Variants in DGLUCY observed in about 807,000 individuals in gnomAD.
The protein encoded by DGLUCY is D-glutamate cyclase, mitochondrial.
In DGLUCY, 58 loss-of-function variants were observed where a neutral mutation model predicts 58.5. The ratio of observed to expected loss-of-function variants is 0.99; its 90% CI spans 0.80 to 1.23. The LOEUF (loss-of-function observed/expected upper bound fraction) is 1.23. DGLUCY is among the 50% of genes most tolerant of loss of function. The probability of loss-of-function intolerance (pLI) is 0.00; values close to 1 mark genes in which losing one functional copy is unlikely to be tolerated. For synonymous variants in DGLUCY, 325 were observed against 314.1 expected (o/e 1.03, Z -0.37); for missense variants, 779 against 784.7 (o/e 0.99, Z 0.09).
rs1011956753 is a variant in DGLUCY at position 91,224,451 on chromosome 14, A to G, written c.1717-233A>G. Among the ~76,000 whole-genome samples the G allele has an allele frequency of 2.6e-5, 4 of 152,198 alleles. No individual in the cohort carries two copies. In the East Asian group the frequency reaches 7.7e-4, roughly 29 times the overall value. ...AGTAACTACCAAAAGAAGCAGCCCA[A>G]ACTATTCCCGTGATTGTTTCTGGGG... On this transcript the variant is annotated intron_variant, in intron 13 of 13. Transcript: ENST00000256324.
upstream of DGLUCY, among the ~76,000 whole-genome samples, chr14:91,111,242 GTGTGTGTA>G (rs1566944344): frequency 0.016 from 1,609 of 100,694 alleles, 30 homozygotes; most frequent in Non-Finnish European, 0.021. Flanking sequence ...GTGTGTGTGT[GTGTGTGTA>G]TATATCTATA....
upstream of DGLUCY, among the ~76,000 whole-genome samples, chr14:91,111,832 C>A (rs949429627): frequency 2.0e-5 from 3 of 152,228 alleles, no homozygotes; most frequent in Non-Finnish European, 4.4e-5. Flanking sequence ...ATAGGAATTT[C>A]ATTCCTTTTT....
At chr14:91,062,172 A>G (rs1436253595) in intron 1 of DGLUCY, among the ~76,000 whole-genome samples, 5 of 152,326 alleles carry the variant, frequency 3.3e-5, no homozygotes, top group African/African-American at 1.2e-4. Context: ...AATATTTTTT[A>G]TGGACATTGA....
chr14:91,161,933 G>A (rs1318754413), intron 3 of DGLUCY, among the ~76,000 whole-genome samples: 2 of 151,794 alleles, frequency 1.3e-5, no homozygotes, highest in African/African-American at 4.8e-5. Context: ...TATACGAGCA[G>A]CGAACACCAG....
rs554058083 is a variant in DGLUCY at position 91,172,807 on chromosome 14, C to T, written c.457-482C>T. On this transcript the variant is annotated intron_variant, in intron 5 of 13. Coordinates refer to ENST00000256324, the MANE Select transcript of DGLUCY (RefSeq NM_001102368.3). ...GACTAGAGGCGCGTGCCACCATGCC[C>T]GGCGAACTTTTGTATTTTTAATAGA... is the stretch of plus-strand genomic sequence containing the variant. 7.2e-5 allele frequency among the ~76,000 whole-genome samples: 11 copies of T among 152,186 alleles called. No individual in the cohort carries two copies. In the South Asian group the frequency reaches 1.5e-3, roughly 20 times the overall value.
At chr14:91,120,532 C>T (rs1229037604) in intron 1 of DGLUCY, among the ~76,000 whole-genome samples, 2 of 152,154 alleles carry the variant, frequency 1.3e-5, no homozygotes, top group African/African-American at 2.4e-5. Flanking sequence ...CTGCCTCAGC[C>T]TCCTGAGTAG....
At chr14:91,158,169 T>C (rs2047771654) in intron 2 of DGLUCY, among the ~76,000 whole-genome samples, 1 of 152,222 alleles carries the variant, frequency 6.6e-6, no homozygotes. Context: ...TTCAGGACCC[T>C]GGCTGGTAGC....
intron 1 of DGLUCY, among the ~76,000 whole-genome samples, chr14:91,101,472 T>A (rs1351679371): frequency 6.6e-6 from 1 of 152,232 alleles, no homozygotes; most frequent in African/African-American, 2.4e-5. Context: ...GCTGCCACAC[T>A]GTGGAGATGC....
intron 7 of DGLUCY, among the ~76,000 whole-genome samples, chr14:91,178,342 T>A (rs1326911411): frequency 6.6e-6 from 1 of 152,040 alleles, no homozygotes; most frequent in Admixed American, 6.6e-5. Flanking sequence ...TTTTTAAATT[T>A]TTGTGGAGAT....
chr14:91,220,650 C>T (rs1887331715), intron 13 of DGLUCY: 4 of 456,130 alleles, frequency 8.8e-6, no homozygotes, highest in South Asian at 6.2e-5. Flanking sequence ...TCTCCCGCTG[C>T]CACACTCCCC....
intron 11 of DGLUCY, among the ~76,000 whole-genome samples, chr14:91,200,960 G>A (rs116235761): frequency 6.6e-6 from 1 of 151,778 alleles, no homozygotes; most frequent in African/African-American, 2.4e-5. Context: ...TCTCAAGGGT[G>A]GGGGAGGATA....
Position 91,086,711 on chromosome 14 carries a change from A to C in DGLUCY, c.-82+26007A>C, listed in dbSNP as rs141187963. ...TCTCTATCAGATCAGGTGAGCTTTG[A>C]GGGCTAGACACTCAATAAACACTTT... is the stretch of plus-strand genomic sequence containing the variant. On this transcript the variant is annotated intron_variant, in intron 1 of 4. Transcript: ENST00000521334. 4.3e-3 allele frequency among the ~76,000 whole-genome samples: 652 copies of C among 152,258 alleles called. 8 individuals are homozygous for C. The highest frequency in any genetic ancestry group is 0.015 in the African/African-American group (618 of 41,542).
chr14:91,165,936 A>G (rs1251519185), intron 3 of DGLUCY, among the ~76,000 whole-genome samples: 5 of 152,244 alleles, frequency 3.3e-5, no homozygotes, highest in African/African-American at 1.2e-4. Context: ...CAAATTGGAA[A>G]CTACTCAGAT....
At chr14:91,124,987 A>G (rs1057027447) in intron 1 of DGLUCY, among the ~76,000 whole-genome samples, 1 of 152,188 alleles carries the variant, frequency 6.6e-6, no homozygotes, top group Non-Finnish European at 1.5e-5. Context: ...ACCTTTCTCA[A>G]CATTGCACAA....
intron 9 of DGLUCY, among the ~76,000 whole-genome samples, chr14:91,196,148 A>C (rs1357659264): frequency 6.6e-6 from 1 of 152,160 alleles, no homozygotes; most frequent in East Asian, 1.9e-4. Flanking sequence ...AGGCTGTGTT[A>C]GCCCGATTCT....
intron 1 of DGLUCY, among the ~76,000 whole-genome samples, chr14:91,093,795 A>AAAACAAAC (rs55667197): frequency 2.2e-4 from 33 of 150,840 alleles, no homozygotes; most frequent in Non-Finnish European, 3.4e-4. Flanking sequence ...ACAGAGCAAC[A>AAAACAAAC]AAACAAACAA....
At chr14:91,090,104 G>T (rs2044286777) in intron 1 of DGLUCY, among the ~76,000 whole-genome samples, 1 of 152,166 alleles carries the variant, frequency 6.6e-6, no homozygotes, top group Non-Finnish European at 1.5e-5. Flanking sequence ...GGCGGCTGCA[G>T]AAACACCTGC....
intron 13 of DGLUCY, among the ~76,000 whole-genome samples, chr14:91,218,420 T>G (rs1886918934): frequency 6.7e-6 from 1 of 148,418 alleles, no homozygotes; most frequent in African/African-American, 2.5e-5. Flanking sequence ...TTTTTTTTTC[T>G]TGAGATGGAG....
At chr14:91,106,310 A>AC (rs58216412), upstream of DGLUCY, among the ~76,000 whole-genome samples, 906 of 143,794 alleles carry the variant, frequency 6.3e-3, 10 homozygotes, top group African/African-American at 0.02. Context: ...TCCATTCCCT[A>AC]CCCCCCCCCA....
Sources: gnomAD v4.1 joint callset for allele counts (sites outside exome capture counted in the v4.1 genomes callset) on GRCh38, gnomAD v4.1.1 for gene constraint, MANE v1.5 for transcripts, NCBI Gene and HGNC (gene_info 2026-07-23, HGNC 2026-07-21) for gene names.